Variants in HDAC4 observed in about 807,000 individuals in gnomAD.
The protein encoded by HDAC4 is histone deacetylase 4.
Under a neutral mutation model 135.1 loss-of-function variants are expected in HDAC4, and 16 were observed. The observed-to-expected ratio is 0.12, with a 90% CI of 0.08 to 0.18. The LOEUF (loss-of-function observed/expected upper bound fraction) is 0.18, where lower values mean the gene tolerates loss of function less well. HDAC4 is among the 10% of genes least tolerant of loss of function. HDAC4 has a pLI of 1.00. For synonymous variants in HDAC4, 685 were observed against 653.4 expected (o/e 1.05, Z -0.74); for missense variants, 1,143 against 1,511.8 (o/e 0.76, Z 4.05).
intron 3 of HDAC4, among the ~76,000 whole-genome samples, chr2:239,230,158 C>T (rs1160920069): frequency 6.6e-6 from 1 of 151,862 alleles, no homozygotes; most frequent in Non-Finnish European, 1.5e-5. Context: ...AAGGAGGGGG[C>T]GTCTAAGGAG....
intron 2 of HDAC4, among the ~76,000 whole-genome samples, chr2:239,324,367 G>C (rs936588626): frequency 1.3e-5 from 2 of 152,226 alleles, no homozygotes; most frequent in African/African-American, 4.8e-5. Flanking sequence ...GAACAGAAAG[G>C]CTGGTGAGAG....
At chr2:239,318,071 G>A (rs2053178470) in intron 2 of HDAC4, among the ~76,000 whole-genome samples, 1 of 152,134 alleles carries the variant, frequency 6.6e-6, no homozygotes, top group Admixed American at 6.5e-5. Flanking sequence ...GACAACAACA[G>A]ACTCCGACAA....
At chr2:239,251,794 C>T (rs1420175612) in intron 2 of HDAC4, among the ~76,000 whole-genome samples, 1 of 152,090 alleles carries the variant, frequency 6.6e-6, no homozygotes, top group African/African-American at 2.4e-5. Flanking sequence ...TACTCCAGCA[C>T]ACTCCTCCCT....
intron 11 of HDAC4, among the ~76,000 whole-genome samples, chr2:239,129,218 T>C (rs1360764184): frequency 6.6e-6 from 1 of 152,180 alleles, no homozygotes; most frequent in African/African-American, 2.4e-5. Context: ...AGGGACACCC[T>C]ACCCCTGGGT....
Position 239,111,626 on chromosome 2 carries a change from G to A in HDAC4, c.1878C>T (p.Phe626=), listed in dbSNP as rs1356697969. The change falls in exon 14 of 27, where the codon TTC becomes TTT. Residue 626 remains phenylalanine (F), a synonymous_variant. Coordinates refer to ENST00000543185, the MANE Select transcript of HDAC4 (RefSeq NM_001378414.1). ...SMEAAGIPVS[F]GGHRPLSRAQ... The stretch of plus-strand genomic sequence containing the variant: ...CCCGGGACAGAGGCCTGTGGCCGCC[G>A]AAGGACACGGGGATGCCGGCGGCCT... The A allele has an allele frequency of 1.5e-5, 24 of 1,609,688 alleles. No individual in the cohort carries two copies. Among genetic ancestry groups the A allele is most frequent in the East Asian group, 4.5e-5 (2 of 44,762 alleles).
intron 1 of HDAC4, among the ~76,000 whole-genome samples, chr2:239,371,087 G>C (rs1460963495): frequency 6.6e-6 from 1 of 152,232 alleles, no homozygotes; most frequent in Admixed American, 6.5e-5. Context: ...AGCTGGGACA[G>C]GGAATCACCC....
At chr2:239,321,464 C>CAAAA (rs10530231) in intron 2 of HDAC4, among the ~76,000 whole-genome samples, 4 of 56,304 alleles carry the variant, frequency 7.1e-5, no homozygotes, top group African/African-American at 1.7e-4. Context: ...GACTCCGTCT[C>CAAAA]AAAAAAAAAA....
intron 9 of HDAC4, among the ~76,000 whole-genome samples, chr2:239,135,454 C>T (rs1226851741): frequency 6.6e-6 from 1 of 152,080 alleles, no homozygotes; most frequent in Admixed American, 6.5e-5. Context: ...ACATCATGGT[C>T]ATCAAAAAAG....
intron 3 of HDAC4, among the ~76,000 whole-genome samples, chr2:239,199,998 A>C (rs1157121027): frequency 6.6e-6 from 1 of 152,004 alleles, no homozygotes; most frequent in African/African-American, 2.4e-5. Flanking sequence ...TCGGCCTCCC[A>C]AAGTGCTGGG....
At chr2:239,230,617 C>T (rs907210372) in intron 3 of HDAC4, among the ~76,000 whole-genome samples, 1 of 152,162 alleles carries the variant, frequency 6.6e-6, no homozygotes, top group African/African-American at 2.4e-5. Flanking sequence ...GGGGGCCACT[C>T]GAGGAACCAC....
At chr2:239,102,023 CCCGGG>C in intron 16 of HDAC4, among the ~76,000 whole-genome samples, 1 of 147,718 alleles carries the variant, frequency 6.8e-6, no homozygotes, top group African/African-American at 2.5e-5. Flanking sequence ...AGCCCCCGGC[CCCGGG>C]TCCACGTTCT....
rs773542153 is a variant in HDAC4, at chr2:239,053,062, C to A, written c.*35G>T. 9 of 1,612,124 alleles carry A rather than the reference C, an allele frequency of 5.6e-6. No homozygotes were observed. The highest frequency in any genetic ancestry group is 6.8e-6 in the Non-Finnish European group (8 of 1,178,360). ...TCTTGGCTGAGCTTCAAGACAGAGA[C>A]AGACAGACAAGAGAACAGCAGCTTC... On this transcript the variant is annotated 3_prime_UTR_variant, in exon 27 of 27. Transcript: ENST00000543185.
intron 1 of HDAC4, among the ~76,000 whole-genome samples, chr2:239,388,303 C>T (rs1695962680): frequency 1.3e-5 from 2 of 152,326 alleles, no homozygotes; most frequent in African/African-American, 2.4e-5. Flanking sequence ...GCTGGAGGGC[C>T]GCAAGCCTGG....
chr2:239,351,331 CA>C (rs1693140252), intron 2 of HDAC4, among the ~76,000 whole-genome samples: 1 of 152,090 alleles, frequency 6.6e-6, no homozygotes, highest in South Asian at 2.1e-4. Flanking sequence ...ATACTGATAC[CA>C]AAAGATGCTT....
chr2:239,272,903 C>T (rs774786775), intron 2 of HDAC4, among the ~76,000 whole-genome samples: 17 of 152,310 alleles, frequency 1.1e-4, no homozygotes, highest in African/African-American at 2.6e-4. Context: ...ATTCCTGCAA[C>T]GGCTTCTTCC....
intron 2 of HDAC4, among the ~76,000 whole-genome samples, chr2:239,322,207 C>T (rs1176535996): frequency 6.6e-6 from 1 of 152,230 alleles, no homozygotes; most frequent in Non-Finnish European, 1.5e-5. Flanking sequence ...AGTGAAAGCT[C>T]AGCCTGCAAC....
chr2:239,185,889 C>T (rs1267077881), intron 4 of HDAC4, among the ~76,000 whole-genome samples: 1 of 152,112 alleles, frequency 6.6e-6, no homozygotes, highest in Non-Finnish European at 1.5e-5. Flanking sequence ...AAATTAGCAG[C>T]AGGGTGTGGT....
intron 11 of HDAC4, 64 bp downstream of exon 11, chr2:239,134,171 AGGCGAAGGCG>A: frequency 3.3e-6 from 4 of 1,218,042 alleles, no homozygotes; most frequent in Non-Finnish European, 2.4e-6. Context: ...CTCCAAAGGC[AGGCGAAGGCG>A]GGGCACCATC....
chr2:239,069,717 A>G (rs1445729103), intron 22 of HDAC4, among the ~76,000 whole-genome samples: 1 of 127,022 alleles, frequency 7.9e-6, no homozygotes, highest in East Asian at 2.6e-4. Flanking sequence ...GGTGCAAGCC[A>G]GCAAGCCCCA....
Sources: gnomAD v4.1 joint callset for allele counts (sites outside exome capture counted in the v4.1 genomes callset) on GRCh38, gnomAD v4.1.1 for gene constraint, MANE v1.5 for transcripts, NCBI Gene and HGNC (gene_info 2026-07-23, HGNC 2026-07-21) for gene names.